Variants in ERG observed in about 807,000 individuals in gnomAD.
ERG encodes the protein ETS transcription factor ERG.
In ERG, 9 loss-of-function variants were observed where a neutral mutation model predicts 55.3. That is an observed-to-expected ratio of 0.16 (90% CI 0.10 to 0.28). The LOEUF is 0.28. ERG is among the 10% of genes least tolerant of loss of function. ERG has a pLI of 1.00. For missense variants in ERG, 434 were observed against 631.6 expected (o/e 0.69, Z 3.35); for synonymous variants, 223 against 237.3 (o/e 0.94, Z 0.55).
At chr21:38,585,028 A>C (rs1013084014), upstream of ERG, 2 of 152,148 alleles carry the variant, frequency 1.3e-5, no homozygotes, top group African/African-American at 4.8e-5. Context: ...TACCGACAAA[A>C]CCTATTTCTT....
the ERG span, among the ~76,000 whole-genome samples, chr21:38,374,479 A>G: frequency 2.0e-5 from 3 of 152,358 alleles, no homozygotes; most frequent in Middle Eastern, 6.8e-3. Context: ...TTAAGACCAC[A>G]TGAGTAAACA....
chr21:38,446,295 A>G lies in ERG; in HGVS notation c.19-674T>C, dbSNP rs142984127. Among the ~76,000 whole-genome samples the G allele has an allele frequency of 1.6e-3, 246 of 151,330 alleles. 2 individuals are homozygous for G. The highest frequency in any genetic ancestry group is 5.7e-3 in the African/African-American group (237 of 41,364). On this transcript the variant is annotated intron_variant, in intron 1 of 9. Transcript: ENST00000288319. ...ATGCTTCCAAACAGCAGGATGTTTAAAATATCTGGATCACTGACAAGCTCT... is the reference window on the plus strand; with the variant it reads ...ATGCTTCCAAACAGCAGGATGTTTAGAATATCTGGATCACTGACAAGCTCT...
At chr21:38,462,798 A>C (rs949745188) in intron 1 of ERG, among the ~76,000 whole-genome samples, 16 of 152,158 alleles carry the variant, frequency 1.1e-4, no homozygotes, top group Non-Finnish European at 2.1e-4. Context: ...CAGGCTGCCC[A>C]TCATGACCCC....
intron 2 of ERG, among the ~76,000 whole-genome samples, chr21:38,545,513 G>A (rs1046473239): frequency 2.6e-5 from 4 of 151,930 alleles, no homozygotes; most frequent in Non-Finnish European, 5.9e-5. Flanking sequence ...TCTCTGTGAC[G>A]GATATTTTCC....
chr21:38,609,806 G>T (rs1441936720), intron 1 of ERG, among the ~76,000 whole-genome samples: 1 of 152,166 alleles, frequency 6.6e-6, no homozygotes, highest in African/African-American at 2.4e-5. Flanking sequence ...GAAGAGACTG[G>T]GCAAGAAAAG....
intron 1 of ERG, among the ~76,000 whole-genome samples, chr21:38,618,553 T>C (rs1175083697): frequency 6.6e-6 from 1 of 151,600 alleles, no homozygotes; most frequent in African/African-American, 2.4e-5. Flanking sequence ...GGCGGGGAGG[T>C]TGGGGGGGAA....
At chr21:38,477,741 C>T (rs1312838529) in intron 1 of ERG, among the ~76,000 whole-genome samples, 1 of 152,082 alleles carries the variant, frequency 6.6e-6, no homozygotes, top group East Asian at 1.9e-4. Context: ...TGGCTACAAA[C>T]CAATGTGGGG....
At chr21:38,473,570 G>T (rs999679410) in intron 1 of ERG, among the ~76,000 whole-genome samples, 5 of 152,100 alleles carry the variant, frequency 3.3e-5, no homozygotes, top group Admixed American at 3.3e-4. Flanking sequence ...TCAAATCTGG[G>T]AGCATCAAAA....
intron 2 of ERG, among the ~76,000 whole-genome samples, chr21:38,433,032 C>G (rs1057215728): frequency 6.6e-6 from 1 of 152,124 alleles, no homozygotes; most frequent in Non-Finnish European, 1.5e-5. Context: ...GGCAGGGCCC[C>G]GTGGGAGACT....
intron 1 of ERG, among the ~76,000 whole-genome samples, chr21:38,463,048 T>A (rs1196050607): frequency 6.6e-6 from 1 of 152,200 alleles, no homozygotes; most frequent in African/African-American, 2.4e-5. Flanking sequence ...TATCTCCCAG[T>A]GTGTCCATCT....
intron 2 of ERG, among the ~76,000 whole-genome samples, chr21:38,423,940 C>T (rs1397629896): frequency 6.6e-6 from 1 of 152,128 alleles, no homozygotes; most frequent in Admixed American, 6.5e-5. Flanking sequence ...CATGCCACTG[C>T]ACTCCAGACT....
chr21:38,603,696 G>C (rs1396433796), intron 1 of ERG, among the ~76,000 whole-genome samples: 1 of 151,972 alleles, frequency 6.6e-6, no homozygotes, highest in African/African-American at 2.4e-5. Context: ...CCCCAACTTT[G>C]CTCTTGGATC....
At chr21:38,426,957 G>A (rs1200508330) in intron 2 of ERG, among the ~76,000 whole-genome samples, 1 of 151,982 alleles carries the variant, frequency 6.6e-6, no homozygotes, top group Non-Finnish European at 1.5e-5. Context: ...ATAGAAACAG[G>A]GGACATTGAG....
chr21:38,503,363 G>A (rs2059435382), upstream of ERG, among the ~76,000 whole-genome samples: 4 of 111,332 alleles, frequency 3.6e-5, no homozygotes, highest in South Asian at 1.3e-3. Context: ...AGCAAGCATA[G>A]AGCTCTTTTT....
intron 1 of ERG, among the ~76,000 whole-genome samples, chr21:38,581,164 G>C (rs9979650): frequency 0.08 from 12,116 of 152,216 alleles, 554 homozygotes; most frequent in South Asian, 0.13. Context: ...TCCTGGAATG[G>C]GGATGGGTTC....
rs61374378 is a variant in ERG at position 38,597,540 on chromosome 21, C to T, written c.-149-12595G>A. On this transcript the variant is annotated intron_variant, in intron 1 of 10. Coordinates refer to the ERG transcript ENST00000398910. The stretch of plus-strand genomic sequence containing the variant: ...AGAGAGAGGGAGAAAGATCTATCTA[C>T]ATCCATCCTGTTGGATCTTTCTGGA... 6.3e-4 allele frequency among the ~76,000 whole-genome samples: 95 copies of T among 151,778 alleles called. No homozygotes were observed. The East Asian group carries it at 0.016, about 26-fold the overall frequency.
intron 1 of ERG, among the ~76,000 whole-genome samples, chr21:38,627,354 C>T (rs1449374504): frequency 6.6e-6 from 1 of 152,088 alleles, no homozygotes; most frequent in Non-Finnish European, 1.5e-5. Context: ...GCTTGAGTAC[C>T]ACTTTTTAAT....
chr21:38,590,889 T>C (rs2255750), intron 1 of ERG, among the ~76,000 whole-genome samples: 95,710 of 152,230 alleles, frequency 0.63, 31,696 homozygotes, highest in Middle Eastern at 0.79. Context: ...AGAGTGTAGC[T>C]TGGTTGAGCA....
At chr21:38,655,612 C>A (rs990931818) in intron 1 of ERG, among the ~76,000 whole-genome samples, 1 of 152,172 alleles carries the variant, frequency 6.6e-6, no homozygotes, top group Admixed American at 6.5e-5. Flanking sequence ...CATCTGACTA[C>A]GAACAACTAA....
Sources: gnomAD v4.1 joint callset for allele counts (sites outside exome capture counted in the v4.1 genomes callset) on GRCh38, gnomAD v4.1.1 for gene constraint, MANE v1.5 for transcripts, NCBI Gene and HGNC (gene_info 2026-07-23, HGNC 2026-07-21) for gene names.